MED13: variants seen among roughly 807,000 people sequenced by gnomAD.
The protein encoded by MED13 is mediator of RNA polymerase II transcription subunit 13.
In MED13, 23 loss-of-function variants were observed where a neutral mutation model predicts 225.2. The ratio of observed to expected loss-of-function variants is 0.10; its 90% CI spans 0.07 to 0.14. The LOEUF (loss-of-function observed/expected upper bound fraction) is 0.14, where lower values mean the gene tolerates loss of function less well. Among genes scored for constraint, MED13 ranks in the 10% least tolerant of loss-of-function variants. MED13 has a pLI of 1.00. For missense variants in MED13, 2,197 were observed against 2,594.5 expected, an observed-to-expected ratio of 0.85 and a Z score of 3.33; for synonymous variants, 942 against 889.2, an observed-to-expected ratio of 1.06 and a Z score of -1.06.
intron 28 of MED13, among the ~76,000 whole-genome samples, chr17:61,947,819 T>A (rs191694529): frequency 4.0e-4 from 61 of 152,302 alleles, no homozygotes; most frequent in African/African-American, 1.4e-3. Context: ...TCATTTTTTT[T>A]ATAAGTCAAT....
chr17:62,050,771 A>C (rs1310189870), intron 3 of MED13, among the ~76,000 whole-genome samples: 1 of 152,190 alleles, frequency 6.6e-6, no homozygotes, highest in Non-Finnish European at 1.5e-5. Flanking sequence ...TAGGAGGCCG[A>C]GGCGGGTGGA....
chr17:62,027,261 A>T (rs2080711264), intron 8 of MED13, among the ~76,000 whole-genome samples: 1 of 152,178 alleles, frequency 6.6e-6, no homozygotes, highest in Admixed American at 6.6e-5. Flanking sequence ...AACAGAATAG[A>T]GAGCCCAGAA....
chr17:61,976,541 T>A (rs1250419997), intron 16 of MED13, among the ~76,000 whole-genome samples: 1 of 152,182 alleles, frequency 6.6e-6, no homozygotes, highest in Non-Finnish European at 1.5e-5. Flanking sequence ...ATGGGTGAAT[T>A]GTATGGTATT....
chr17:61,976,066 C>T (rs1004070529), intron 16 of MED13, among the ~76,000 whole-genome samples: 2 of 151,970 alleles, frequency 1.3e-5, no homozygotes, highest in South Asian at 4.2e-4. Flanking sequence ...CTCAGTGAAT[C>T]CACTTAAGAG....
chr17:61,984,708 C>T lies in MED13; in HGVS notation c.2634G>A (p.Ala878=), dbSNP rs749530561. The change falls in exon 14 of 30, where the codon GCG becomes GCA. Residue 878 remains alanine (A), a synonymous_variant. Transcript: ENST00000397786. The part of the protein sequence containing the change: ...VLEGNSSSIG[A]QFKIEVDEGF... ...CCTCATCAACCTCAATTTTGAACTG[C>T]GCTCCTATACTAGAACTATTTCCTT... 1.2e-5 allele frequency: 19 copies of T among 1,613,906 alleles called. No homozygotes were observed. The highest frequency in any genetic ancestry group is 4.4e-5 in the South Asian group (4 of 91,046).
rs534282484 is a variant in MED13, at chr17:61,998,887, C to T, written c.1968-3522G>A. On this transcript the variant is annotated intron_variant, in intron 9 of 29. Transcript: ENST00000397786. ...GTGCTGGGATTACAGGTGTGAGCTA[C>T]TGAGCCCAGCCTAAAATCTCCCACT... is the stretch of plus-strand genomic sequence containing the variant. 1.3e-4 allele frequency among the ~76,000 whole-genome samples: 20 copies of T among 148,984 alleles called. No individual in the cohort carries two copies. The East Asian group carries it at 3.6e-3, about 27-fold the overall frequency.
intron 16 of MED13, among the ~76,000 whole-genome samples, chr17:61,979,643 C>T (rs928759206): frequency 6.6e-6 from 1 of 152,122 alleles, no homozygotes; most frequent in Non-Finnish European, 1.5e-5. Context: ...ACTCCCAATG[C>T]ACCTTTAATA....
chr17:61,947,897 C>T (rs2079864127), intron 28 of MED13, among the ~76,000 whole-genome samples: 1 of 152,176 alleles, frequency 6.6e-6, no homozygotes, highest in Non-Finnish European at 1.5e-5. Flanking sequence ...AGATCTCATT[C>T]TGTACACTGT....
At position 62,031,490 on chromosome 17, in the gene MED13, A is replaced by C. The variant is rs774332844; in HGVS notation, c.963T>G (p.Ser321=). ...ACGTAGGTGGTGTAAGCGTAACCGA[A>C]GACATAGCAGGATCTCTTGTGGAAG... ...VPASTRDPAM[S]SVTLTPPTSP... The change falls in exon 6 of 30, where the codon TCT becomes TCG. Residue 321 remains serine, a synonymous_variant. Transcript: ENST00000397786. 4 of 1,613,752 alleles carry C rather than the reference A, an allele frequency of 2.5e-6. No homozygotes were observed. Among genetic ancestry groups the C allele is most frequent in the Non-Finnish European group, 3.4e-6 (4 of 1,179,800 alleles).
intron 16 of MED13, among the ~76,000 whole-genome samples, chr17:61,976,760 C>T (rs1175904388): frequency 6.6e-6 from 1 of 152,002 alleles, no homozygotes; most frequent in African/African-American, 2.4e-5. Flanking sequence ...CGTTGAAACC[C>T]GTCTCTACTA....
chr17:62,028,381 G>A (rs2080722358), intron 8 of MED13, among the ~76,000 whole-genome samples: 1 of 152,094 alleles, frequency 6.6e-6, no homozygotes, highest in African/African-American at 2.4e-5. Context: ...AACAGACACT[G>A]GGGTCTACTT....
At chr17:61,994,424 T>C (rs1040441578) in intron 10 of MED13, among the ~76,000 whole-genome samples, 1 of 152,270 alleles carries the variant, frequency 6.6e-6, no homozygotes, top group African/African-American at 2.4e-5. Context: ...TCATTTTTAC[T>C]TCTAGGTGCA....
intron 23 of MED13, among the ~76,000 whole-genome samples, chr17:61,960,531 C>T (rs888985487): frequency 1.3e-5 from 2 of 152,118 alleles, no homozygotes; most frequent in Non-Finnish European, 1.5e-5. Context: ...TTAGATGGTA[C>T]ATGAGAAAAG....
At position 61,943,538 on chromosome 17, in the gene MED13, T is replaced by C. The variant is rs1481049640; in HGVS notation, c.*2930A>G. Reference sequence around the variant, plus strand: ...AATTGAGTACGAATACAGCTGAGGATAGTTGACTAAGTAGTAAGAGCTTAA... The same window carrying C: ...AATTGAGTACGAATACAGCTGAGGACAGTTGACTAAGTAGTAAGAGCTTAA... On this transcript the variant is annotated 3_prime_UTR_variant, in exon 30 of 30. Transcript: ENST00000397786. 1 of 152,638 alleles carries C rather than the reference T, an allele frequency of 6.6e-6. No individual in the cohort carries two copies. Among genetic ancestry groups the C allele is most frequent in the Non-Finnish European group, 1.5e-5 (1 of 68,018 alleles). 9.5% of individuals were successfully genotyped at this position (152,638 alleles called of 1,614,324 possible).
intron 8 of MED13, among the ~76,000 whole-genome samples, chr17:62,026,972 T>G (rs1367644503): frequency 6.6e-6 from 1 of 152,198 alleles, no homozygotes; most frequent in Non-Finnish European, 1.5e-5. Context: ...TCCATGCTCA[T>G]GGATAGGAAG....
intron 21 of MED13, 117 bp downstream of exon 21, chr17:61,962,633 AAT>A (rs1484753825): frequency 1.4e-6 from 1 of 711,614 alleles, no homozygotes; most frequent in African/African-American, 1.8e-5. Context: ...AAGTAAAATC[AAT>A]ATAATAGAAC....
At chr17:61,971,158 T>C (rs182570399) in intron 17 of MED13, among the ~76,000 whole-genome samples, 51 of 151,994 alleles carry the variant, frequency 3.4e-4, no homozygotes, top group Admixed American at 8.5e-4. Flanking sequence ...AAATATATTA[T>C]CATATGTAAG....
At chr17:62,050,528 C>T (rs2080947728) in intron 3 of MED13, among the ~76,000 whole-genome samples, 1 of 150,546 alleles carries the variant, frequency 6.6e-6, no homozygotes, top group African/African-American at 2.4e-5. Flanking sequence ...CTAGATTAAT[C>T]CTAAATGATA....
chr17:61,951,532 A>G (rs980354756), intron 27 of MED13, among the ~76,000 whole-genome samples: 32 of 152,186 alleles, frequency 2.1e-4, no homozygotes, highest in African/African-American at 6.0e-4. Context: ...AATAAAAATA[A>G]TATGCATGAA....
Sources: allele counts gnomAD v4.1 joint callset (sites outside exome capture counted in the v4.1 genomes callset), GRCh38; gene constraint gnomAD v4.1.1; transcripts MANE v1.5; gene names NCBI Gene and HGNC (gene_info 2026-07-23, HGNC 2026-07-21).